PFKFB1: variants seen among roughly 807,000 people sequenced by gnomAD.
PFKFB1 encodes 6-phosphofructo-2-kinase/fructose-2,6-biphosphatase 1.
PFKFB1 carries 34 observed loss-of-function variants against 46.4 expected under a neutral mutation model. That is an observed-to-expected ratio of 0.73 (90% CI 0.56 to 0.98). The LOEUF (loss-of-function observed/expected upper bound fraction) is 0.98. Among genes scored for constraint, PFKFB1 ranks in the 50% least tolerant of loss-of-function variants. The probability of loss-of-function intolerance (pLI) is 0.00; values close to 1 mark genes in which losing one functional copy is unlikely to be tolerated. For missense variants in PFKFB1, 393 were observed against 376.3 expected, an observed-to-expected ratio of 1.04 and a Z score of -0.37; for synonymous variants, 119 against 133.8, an observed-to-expected ratio of 0.89 and a Z score of 0.76.
chrX:54,955,342 G>A (rs1399624281), intron 7 of PFKFB1, among the ~76,000 whole-genome samples: 1 of 111,259 alleles, frequency 9.0e-6, no homozygotes, highest in Non-Finnish European at 1.9e-5. Context: ...ACCATTTGAA[G>A]CCTCTTTATA....
intron 1 of PFKFB1, among the ~76,000 whole-genome samples, chrX:54,969,796 A>G (rs761022019): frequency 1.8e-5 from 2 of 112,321 alleles, no homozygotes; most frequent in Admixed American, 1.9e-4. Context: ...TCAATATTAT[A>G]AGGCAAGAAA....
intron 6 of PFKFB1, 83 bp downstream of exon 6, chrX:54,958,223 C>A: frequency 1.8e-6 from 1 of 550,271 alleles, no homozygotes; most frequent in Non-Finnish European, 3.1e-6. Flanking sequence ...CATGGAGTTG[C>A]CTTAGGCATA....
chrX:54,950,184 A>G (rs761558915), intron 8 of PFKFB1, among the ~76,000 whole-genome samples: 1 of 112,680 alleles, frequency 8.9e-6, no homozygotes, highest in African/African-American at 3.2e-5. Flanking sequence ...TTCTATATGC[A>G]GCTATAGGCG....
intron 9 of PFKFB1, among the ~76,000 whole-genome samples, chrX:54,948,138 G>C (rs1294414982): frequency 9.0e-6 from 1 of 110,688 alleles, no homozygotes; most frequent in Non-Finnish European, 1.9e-5. Flanking sequence ...GCTCAGGCTG[G>C]TCTCCAACTC....
intron 1 of PFKFB1, among the ~76,000 whole-genome samples, chrX:54,968,715 T>C: frequency 9.0e-6 from 1 of 111,299 alleles, no homozygotes. Flanking sequence ...TAAATATTAC[T>C]GAAATTGAAT....
At chrX:54,940,877 A>G (rs1933601597) in intron 10 of PFKFB1, among the ~76,000 whole-genome samples, 1 of 111,731 alleles carries the variant, frequency 9.0e-6, no homozygotes, top group African/African-American at 3.3e-5. Flanking sequence ...TCTTCACAGA[A>G]TTGGAAAAAA....
At chrX:54,948,701 T>C (rs1054026250) in intron 9 of PFKFB1, among the ~76,000 whole-genome samples, 1 of 111,603 alleles carries the variant, frequency 9.0e-6, no homozygotes, top group Non-Finnish European at 1.9e-5. Flanking sequence ...GACCATTTCA[T>C]CTCCTTCTTA....
At chrX:54,991,539 C>CTGTGTG (rs59214352) in intron 1 of PFKFB1, among the ~76,000 whole-genome samples, 36 of 61,912 alleles carry the variant, frequency 5.8e-4, no homozygotes, top group Non-Finnish European at 1.1e-3. Context: ...CTCTCTCTCT[C>CTGTGTG]TGTGTGTGTG....
In PFKFB1 at chrX:54,949,286, C is replaced by T. The variant is rs989746633; in HGVS notation, c.847-65G>A. ...GGAGAGGTGAGAGAGAGCAGGGTGG[C>T]CATCAGAACAAGCTCAGATCTGCCA... On this transcript the variant is annotated intron_variant, in intron 8 of 13. Coordinates refer to ENST00000375006, the MANE Select transcript of PFKFB1 (RefSeq NM_002625.4). 18 of 962,129 alleles carry T rather than the reference C, an allele frequency of 1.9e-5. No homozygotes were observed. The East Asian group carries it at 6.1e-4, about 33-fold the overall frequency. The allele number at this position is 962,129 out of a possible 1,213,427, so 79.3% of individuals were successfully genotyped here.
intron 1 of PFKFB1, among the ~76,000 whole-genome samples, chrX:54,973,709 T>C (rs924980210): frequency 6.3e-5 from 7 of 111,421 alleles, no homozygotes; most frequent in Admixed American, 9.6e-5. Context: ...GAGAGACAGT[T>C]TGTTATAATT....
intron 1 of PFKFB1, among the ~76,000 whole-genome samples, chrX:54,971,749 T>C (rs1222580630): frequency 3.6e-5 from 4 of 112,145 alleles, no homozygotes; most frequent in Non-Finnish European, 7.5e-5. Context: ...AGGCTTGTAG[T>C]ATAGTTTGAA....
intron 1 of PFKFB1, among the ~76,000 whole-genome samples, chrX:54,991,511 C>A (rs1416862315): frequency 2.0e-5 from 2 of 97,630 alleles, no homozygotes; most frequent in Non-Finnish European, 4.1e-5. Flanking sequence ...CCCAAAAGTT[C>A]TCTCTCTCTC....
intron 1 of PFKFB1, among the ~76,000 whole-genome samples, chrX:54,974,182 T>C (rs1211828082): frequency 9.0e-6 from 1 of 111,308 alleles, no homozygotes; most frequent in Non-Finnish European, 1.9e-5. Flanking sequence ...ATAAAAACAA[T>C]GTTGCTGAAA....
intron 1 of PFKFB1, among the ~76,000 whole-genome samples, chrX:54,975,443 G>A (rs771698242): frequency 3.4e-4 from 38 of 110,389 alleles, no homozygotes; most frequent in African/African-American, 1.2e-3. Context: ...AAGATGCAAA[G>A]GGGTAAGAAT....
At chrX:54,985,647 T>G in intron 1 of PFKFB1, among the ~76,000 whole-genome samples, 1 of 111,170 alleles carries the variant, frequency 9.0e-6, no homozygotes, top group Non-Finnish European at 1.9e-5. Context: ...ATGTTCTCCT[T>G]AATTTTCTCA....
chrX:54,988,812 A>G (rs1292802087), intron 1 of PFKFB1, among the ~76,000 whole-genome samples: 1 of 112,181 alleles, frequency 8.9e-6, no homozygotes, highest in Non-Finnish European at 1.9e-5. Context: ...CTGGATTCCC[A>G]TCTCACACCA....
intron 1 of PFKFB1, among the ~76,000 whole-genome samples, chrX:54,970,329 T>A (rs968617177): frequency 3.5e-4 from 39 of 111,443 alleles, no homozygotes; most frequent in Non-Finnish European, 5.1e-4. Context: ...TTCATTTTTT[T>A]ATTTTTTTAG....
rs749210129 is a variant in PFKFB1 at position 54,933,086 on chromosome X, C to G, written c.*317G>C. ...CACCCATTCCATGCCCTCACAGCAG[C>G]AGAGCTGGGTCAGGATTAGGGTCAG... is the stretch of plus-strand genomic sequence containing the variant. On this transcript the variant is annotated 3_prime_UTR_variant, in exon 14 of 14. Transcript: ENST00000375006. 4.1e-6 allele frequency: 1 copy of G among 243,781 alleles called. No homozygotes were observed. The highest frequency in any genetic ancestry group is 7.3e-6 in the Non-Finnish European group (1 of 137,700). The allele number at this position is 243,781 out of a possible 1,213,427, so 20.1% of individuals were successfully genotyped here.
At chrX:54,992,392 A>C (rs1467729147) in intron 1 of PFKFB1, among the ~76,000 whole-genome samples, 1 of 112,224 alleles carries the variant, frequency 8.9e-6, no homozygotes, top group Non-Finnish European at 1.9e-5. Context: ...CACTGTTATT[A>C]ACTTCCTTTT....
Sources: gnomAD v4.1 joint callset for allele counts (sites outside exome capture counted in the v4.1 genomes callset) on GRCh38, gnomAD v4.1.1 for gene constraint, MANE v1.5 for transcripts, NCBI Gene and HGNC (gene_info 2026-07-23, HGNC 2026-07-21) for gene names.